SLC9B1: variants seen among roughly 807,000 people sequenced by gnomAD.
The protein encoded by SLC9B1 is solute carrier family 9 member B1.
In SLC9B1, 32 loss-of-function variants were observed where a neutral mutation model predicts 51.7. That is an observed-to-expected ratio of 0.62 (90% confidence interval 0.47 to 0.83). The LOEUF (loss-of-function observed/expected upper bound fraction) is 0.83, where lower values mean the gene tolerates loss of function less well. SLC9B1 is among the 40% of genes least tolerant of loss of function. The pLI is 0.00. For synonymous variants in SLC9B1, 145 were observed against 212.7 expected, an observed-to-expected ratio of 0.68 and a Z score of 2.77; for missense variants, 406 against 613.2, an observed-to-expected ratio of 0.66 and a Z score of 3.57.
At chr4:102,893,344 T>C (rs1734368772) in intron 11 of SLC9B1, among the ~76,000 whole-genome samples, 1 of 144,670 alleles carries the variant, frequency 6.9e-6, no homozygotes, top group African/African-American at 2.6e-5. Context: ...AAATGCTGCA[T>C]GCAACTATTT....
intron 3 of SLC9B1, among the ~76,000 whole-genome samples, chr4:102,969,780 A>C (rs1169229421): frequency 6.6e-6 from 1 of 152,238 alleles, no homozygotes; most frequent in East Asian, 1.9e-4. Context: ...TAAACAACAT[A>C]GAGAAGACCT....
chr4:102,967,063 A>G (rs1738468058), intron 3 of SLC9B1, among the ~76,000 whole-genome samples: 3 of 152,222 alleles, frequency 2.0e-5, no homozygotes, highest in Non-Finnish European at 4.4e-5. Flanking sequence ...CTTGGTCTCC[A>G]GTTCCTAATA....
intron 3 of SLC9B1, among the ~76,000 whole-genome samples, chr4:102,977,297 TAAAAA>T (rs3974480): frequency 0.046 from 5,979 of 129,288 alleles, 170 homozygotes; most frequent in African/African-American, 0.096. Context: ...TATTATAACT[TAAAAA>T]AAAAAAAAAA....
chr4:102,932,668 T>G (rs1736518994), intron 6 of SLC9B1, among the ~76,000 whole-genome samples: 1 of 151,944 alleles, frequency 6.6e-6, no homozygotes, highest in South Asian at 2.1e-4. Flanking sequence ...CAATTTAGGA[T>G]TGAAAAAAGG....
chr4:102,972,229 CA>C (rs905188440), intron 3 of SLC9B1, among the ~76,000 whole-genome samples: 16 of 152,114 alleles, frequency 1.1e-4, no homozygotes, highest in African/African-American at 3.9e-4. Flanking sequence ...AACATCAATG[CA>C]AAAATCCTCA....
intron 11 of SLC9B1, among the ~76,000 whole-genome samples, chr4:102,903,155 C>T (rs1399286481): frequency 6.6e-6 from 1 of 151,270 alleles, no homozygotes; most frequent in Non-Finnish European, 1.5e-5. Context: ...CTGCAGGACT[C>T]GAGTGAGTGG....
At chr4:102,997,951 A>C (rs1323201775) in intron 1 of SLC9B1, among the ~76,000 whole-genome samples, 1 of 152,152 alleles carries the variant, frequency 6.6e-6, no homozygotes, top group East Asian at 1.9e-4. Flanking sequence ...TAATAATAAT[A>C]TCTTTTTTAC....
chr4:102,960,181 A>G (rs1738028266), intron 3 of SLC9B1, among the ~76,000 whole-genome samples: 1 of 146,340 alleles, frequency 6.8e-6, no homozygotes, highest in African/African-American at 2.6e-5. Context: ...TCACACATAT[A>G]TTCCTAATGA....
At chr4:103,006,910 G>C (rs529102894) in intron 1 of SLC9B1, among the ~76,000 whole-genome samples, 1 of 152,210 alleles carries the variant, frequency 6.6e-6, no homozygotes, top group Non-Finnish European at 1.5e-5. Context: ...TACAGAAATG[G>C]CTTTTAATAA....
chr4:103,010,989 C>G (rs1029314954), intron 1 of SLC9B1, among the ~76,000 whole-genome samples: 1 of 152,114 alleles, frequency 6.6e-6, no homozygotes, highest in Non-Finnish European at 1.5e-5. Flanking sequence ...TAACTGTTTC[C>G]GATACCAACT....
At chr4:102,925,699 C>A (rs868399230) in intron 7 of SLC9B1, among the ~76,000 whole-genome samples, 53 of 137,326 alleles carry the variant, frequency 3.9e-4, no homozygotes, top group South Asian at 6.8e-4. Context: ...TTCTTTTGTC[C>A]AAAAAAAAAA....
At chr4:103,005,207 A>G (rs1318873363) in intron 1 of SLC9B1, among the ~76,000 whole-genome samples, 1 of 151,984 alleles carries the variant, frequency 6.6e-6, no homozygotes, top group East Asian at 1.9e-4. Context: ...TCTCACATGC[A>G]ATGATAACTA....
intron 11 of SLC9B1, among the ~76,000 whole-genome samples, chr4:102,893,447 T>C (rs1734373630): frequency 6.6e-6 from 1 of 152,224 alleles, no homozygotes; most frequent in Admixed American, 6.5e-5. Flanking sequence ...AAAATGTTAA[T>C]AGACCAGTTA....
At chr4:102,890,749 A>C (rs906792154) in intron 11 of SLC9B1, 3 of 148,002 alleles carry the variant, frequency 2.0e-5, no homozygotes, top group African/African-American at 7.6e-5. Flanking sequence ...CTGAGGCACA[A>C]GAATCTCTTG....
intron 1 of SLC9B1, among the ~76,000 whole-genome samples, chr4:103,007,847 C>T (rs572933849): frequency 5.3e-5 from 8 of 152,062 alleles, no homozygotes; most frequent in Non-Finnish European, 1.2e-4. Flanking sequence ...CTGCCTTGGC[C>T]TCCCAAATCT....
chr4:102,911,909 G>T, intron 7 of SLC9B1: 1 of 182,942 alleles, frequency 5.5e-6, no homozygotes, highest in Non-Finnish European at 1.1e-5. Flanking sequence ...GAGGAGGGTG[G>T]ATTACTTGAG....
chr4:102,910,366 G>A, intron 9 of SLC9B1, 73 bp downstream of exon 9: 2 of 1,327,174 alleles, frequency 1.5e-6, no homozygotes, highest in Non-Finnish European at 2.0e-6. Context: ...ACCAGAATGA[G>A]GGGATTTCCT....
intron 11 of SLC9B1, among the ~76,000 whole-genome samples, chr4:102,893,294 A>G (rs1734355838): frequency 6.7e-6 from 1 of 149,652 alleles, no homozygotes; most frequent in Non-Finnish European, 1.5e-5. Flanking sequence ...AAAAAAAAAA[A>G]AAAAAAAAAA....
intron 11 of SLC9B1, chr4:102,888,889 C>CA (rs1404809041): frequency 6.6e-6 from 1 of 152,224 alleles, no homozygotes. Flanking sequence ...TGAGAAAAGA[C>CA]AAATACAAAA....
Sources: allele counts gnomAD v4.1 joint callset (sites outside exome capture counted in the v4.1 genomes callset), GRCh38; gene constraint gnomAD v4.1.1; transcripts MANE v1.5; gene names NCBI Gene and HGNC (gene_info 2026-07-23, HGNC 2026-07-21).